The following TRIOBP variants were observed in gnomAD, a reference collection of about 807,000 sequenced individuals.
The protein encoded by TRIOBP is TRIO and F-actin binding protein.
In TRIOBP, 169 loss-of-function variants were observed where a neutral mutation model predicts 238.8. The ratio of observed to expected loss-of-function variants is 0.71; its 90% CI spans 0.62 to 0.80. The LOEUF (loss-of-function observed/expected upper bound fraction) is 0.80. TRIOBP is among the 30% of genes least tolerant of loss of function. The pLI, the probability that TRIOBP is intolerant of heterozygous loss-of-function variation, is 0.00. For missense variants in TRIOBP, 2,838 were observed against 3,122.6 expected (o/e 0.91, Z 2.17); for synonymous variants, 1,150 against 1,274.4 (o/e 0.90, Z 2.08).
chr22:37,716,483 G>T (rs928218162), intron 6 of TRIOBP, among the ~76,000 whole-genome samples: 1 of 152,242 alleles, frequency 6.6e-6, no homozygotes, highest in South Asian at 2.1e-4. Context: ...AGACTGGAGT[G>T]CAGTGGTGCC....
chr22:37,709,106 G>A (rs1022375036), intron 3 of TRIOBP, among the ~76,000 whole-genome samples: 1 of 152,308 alleles, frequency 6.6e-6, no homozygotes, highest in Middle Eastern at 3.4e-3. Context: ...AGGGCAGGGG[G>A]TGAAACTGAA....
intron 4 of TRIOBP, among the ~76,000 whole-genome samples, chr22:37,711,940 C>G (rs544088548): frequency 6.6e-6 from 1 of 152,298 alleles, no homozygotes; most frequent in East Asian, 1.9e-4. Flanking sequence ...CCCTCAGCAT[C>G]TGGGCTAGTG....
At position 37,715,938 on chromosome 22, in the gene TRIOBP, A is replaced by G; in HGVS notation, c.628+4A>G. On this transcript the variant is annotated splice_donor_region_variant and intron_variant, in intron 6 of 23. Coordinates refer to ENST00000644935, the MANE Select transcript of TRIOBP (RefSeq NM_001039141.3). ...GCTGCAGGCCAGAAAAAGGAGGGTGAGTCCTTCTGCCAGGTTGGTTCCCAT... is the reference window on the plus strand; with the variant it reads ...GCTGCAGGCCAGAAAAAGGAGGGTGGGTCCTTCTGCCAGGTTGGTTCCCAT... The G allele has an allele frequency of 1.2e-6, 2 of 1,612,232 alleles. No individual in the cohort carries two copies. The highest frequency in any genetic ancestry group is 2.2e-5 in the East Asian group (1 of 44,874).
chr22:37,707,718 G>A (rs1292965496), intron 3 of TRIOBP, among the ~76,000 whole-genome samples: 1 of 151,738 alleles, frequency 6.6e-6, no homozygotes, highest in African/African-American at 2.4e-5. Flanking sequence ...GAGGCAGGTG[G>A]ATCACCTGAG....
In TRIOBP at chr22:37,731,094, T is replaced by C. The variant is rs556769456; in HGVS notation, c.3948-2204T>C. Among the ~76,000 whole-genome samples, 3 of 152,252 alleles carry C rather than the reference T, an allele frequency of 2.0e-5. No homozygotes were observed. The Middle Eastern group carries it at 0.01, about 518-fold the overall frequency. The stretch of plus-strand genomic sequence containing the variant: ...ACATTATTGTGCTTTATGGCTCTGA[T>C]TCTAATGACATTGGCAAAAGACATG... On this transcript the variant is annotated intron_variant, in intron 7 of 23. Coordinates refer to ENST00000644935, the MANE Select transcript of TRIOBP (RefSeq NM_001039141.3).
rs374419542 is a variant in TRIOBP, at chr22:37,734,706, G to A, written c.4370G>A (p.Gly1457Glu). ...WSSQEGGLGP[G>E]GWWGCGEPSL... is the part of the protein sequence containing the mutation. ...AGCCAGGAGGGAGGCCTGGGCCCTG[G>A]GGGCTGGTGGGGATGTGGAGAGCCC... Residue 1457 changes from glycine to glutamate, a missense_variant, in exon 9 of 24, where the codon GGG becomes GAG. Gly to Glu is a moderately conservative substitution (Grantham distance 98, BLOSUM62 -2). Around this residue, in one of 5 missense-constraint regions of TRIOBP, gnomAD observed 2,096 missense variants for 2,137.4 expected, o/e 0.98. Transcript: ENST00000644935. The A allele has an allele frequency of 7.5e-5, 120 of 1,607,752 alleles. No homozygotes were observed. In the African/African-American group the frequency reaches 1.5e-3, roughly 20 times the overall value.
At position 37,742,199 on chromosome 22, in the gene TRIOBP, T is replaced by C. The variant is rs1393528098; in HGVS notation, c.5322+1167T>C. Among the ~76,000 whole-genome samples the C allele has an allele frequency of 3.3e-5, 5 of 150,508 alleles. No homozygotes were observed. In the East Asian group the frequency reaches 9.8e-4, roughly 29 times the overall value. On this transcript the variant is annotated intron_variant, in intron 11 of 23. Coordinates refer to ENST00000644935, the MANE Select transcript of TRIOBP (RefSeq NM_001039141.3). ...GTCTTGAACTCCCGACCTCAGGTAA[T>C]CCGCCCACCTTGACCTCCAAAGTGC...
intron 22 of TRIOBP, among the ~76,000 whole-genome samples, 191 bp from the exon 23 acceptor site, chr22:37,772,410 C>A (rs1348758498): frequency 1.3e-5 from 2 of 152,122 alleles, no homozygotes; most frequent in South Asian, 2.1e-4. Context: ...GACAATGACG[C>A]CTGTGTCCCT....
At chr22:37,708,202 C>G (rs1008040788) in intron 3 of TRIOBP, among the ~76,000 whole-genome samples, 6 of 143,502 alleles carry the variant, frequency 4.2e-5, no homozygotes, top group Admixed American at 1.5e-4. Context: ...GCCAAGATCA[C>G]GCCACTGCAC....
chr22:37,697,472 A>G (rs1272213396), intron 1 of TRIOBP, 116 bp from the exon 2 acceptor site: 6 of 152,124 alleles, frequency 3.9e-5, no homozygotes, highest in Non-Finnish European at 7.3e-5. Flanking sequence ...CACCACCAGG[A>G]GTCGGGAGGA....
rs1601669985 is a variant in TRIOBP at position 37,769,493 on chromosome 22, G to T, written c.6849+118G>T. 1.3e-5 allele frequency: 13 copies of T among 1,006,730 alleles called. No individual in the cohort carries two copies. In the East Asian group the frequency reaches 3.1e-4, roughly 24 times the overall value. The allele number at this position is 1,006,730 out of a possible 1,614,324, so 62.4% of individuals were successfully genotyped here. A position where few individuals can be genotyped will look rare whatever the true frequency, so the allele number is the denominator to read the frequency against. ...AGGAAAGCCAAGTCTCCCAGTGGCT[G>T]GGCCAGCCTGACTAGGCTAGAACAC... On this transcript the variant is annotated intron_variant, in intron 21 of 23. Coordinates refer to ENST00000644935, the MANE Select transcript of TRIOBP (RefSeq NM_001039141.3).
chr22:37,743,842 T>TGTGTGC lies in TRIOBP; in HGVS notation c.5322+2813_5322+2814insTGCGTG, dbSNP rs1433842741. On this transcript the variant is annotated intron_variant, in intron 11 of 23. Transcript: ENST00000644935. ...GTGTGTGTGTGTGTGTGTGTGTGTG[T>TGTGTGC]GTGCTGGGTGTGTGTGAGTGTGTGC... is the stretch of plus-strand genomic sequence containing the variant. 3.5e-5 allele frequency among the ~76,000 whole-genome samples: 4 copies of TGTGTGC among 115,266 alleles called. No individual in the cohort carries two copies. In the South Asian group the frequency reaches 8.8e-4, roughly 25 times the overall value. The allele number at this position is 115,266 out of a possible 152,430, so 75.6% of individuals were successfully genotyped here. A position where few individuals can be genotyped will look rare whatever the true frequency, so the allele number is the denominator to read the frequency against.
Position 37,768,153 on chromosome 22 carries a change from G to T in TRIOBP, c.6552G>T (p.Pro2184=). Residue 2184 remains proline, a synonymous_variant, in exon 19 of 24, where the codon CCG becomes CCT. Transcript: ENST00000644935. ...AAACACGGAGTCTCCAGCAGGGCCCGGATGGCCTCCGGAAGCAGCACCAGT... is the reference window on the plus strand; with the variant it reads ...AAACACGGAGTCTCCAGCAGGGCCCTGATGGCCTCCGGAAGCAGCACCAGT... ...LSKTRSLQQG[P]DGLRKQHQSD... is the part of the protein sequence containing the mutation. 1 of 1,613,052 alleles carries T rather than the reference G, an allele frequency of 6.2e-7. No homozygotes were observed. The highest frequency in any genetic ancestry group is 8.5e-7 in the Non-Finnish European group (1 of 1,179,552).
At chr22:37,756,000 C>T (rs560999059) in intron 15 of TRIOBP, among the ~76,000 whole-genome samples, 21 of 152,294 alleles carry the variant, frequency 1.4e-4, no homozygotes, top group African/African-American at 4.8e-4. Context: ...TCAGCCTTGG[C>T]GCCCACACCT....
At chr22:37,716,052 A>T in intron 6 of TRIOBP, 118 bp downstream of exon 6, 2 of 1,027,848 alleles carry the variant, frequency 1.9e-6, no homozygotes, top group Non-Finnish European at 3.0e-6. Context: ...AGTGTTAATA[A>T]TAGTAACAGT....
chr22:37,756,398 C>T (rs774398069), intron 15 of TRIOBP, among the ~76,000 whole-genome samples: 2 of 152,306 alleles, frequency 1.3e-5, no homozygotes, highest in South Asian at 2.1e-4. Flanking sequence ...CTGGCCACAC[C>T]GCGGCTATTC....
intron 11 of TRIOBP, among the ~76,000 whole-genome samples, chr22:37,742,799 G>A (rs1032036620): frequency 6.6e-6 from 1 of 152,196 alleles, no homozygotes; most frequent in African/African-American, 2.4e-5. Context: ...AGCACTTATT[G>A]TATGCCTACT....
In TRIOBP at chr22:37,723,268, T is replaced by G. The variant is rs200168775; in HGVS notation, c.712T>G (p.Ser238Ala). The change falls in exon 7 of 24, where the codon TCA (serine) becomes GCA (alanine). Residue 238 changes from serine to alanine, a missense_variant. Transcript: ENST00000644935. ...ESGLSLERHR[S>A]TLTQASSMTP... Reference sequence around the variant, plus strand: ...CGGGTTGTCCCTGGAGCGGCACCGGTCAACACTGACCCAGGCTTCCTCCAT... The same window carrying G: ...CGGGTTGTCCCTGGAGCGGCACCGGGCAACACTGACCCAGGCTTCCTCCAT... The G allele has an allele frequency of 1.9e-6, 3 of 1,613,914 alleles. No individual in the cohort carries two copies. The highest frequency in any genetic ancestry group is 2.5e-6 in the Non-Finnish European group (3 of 1,179,952).
intron 18 of TRIOBP, among the ~76,000 whole-genome samples, chr22:37,767,245 C>T (rs982576216): frequency 1.3e-5 from 1 of 78,920 alleles, no homozygotes; most frequent in African/African-American, 3.4e-5. Context: ...AGTGAGACTC[C>T]GTCTCCTGGG....
Sources: allele counts gnomAD v4.1 joint callset (sites outside exome capture counted in the v4.1 genomes callset), GRCh38; gene constraint gnomAD v4.1.1; regional missense constraint gnomAD v4.1.1; transcripts MANE v1.5; gene names NCBI Gene and HGNC (gene_info 2026-07-23, HGNC 2026-07-21).